The following GSTCD variants were observed in gnomAD, a reference collection of about 807,000 sequenced individuals.
GSTCD encodes glutathione S-transferase C-terminal domain containing, also known as glutathione S-transferase C-terminal domain-containing protein.
GSTCD carries 44 observed loss-of-function variants against 68.3 expected under a neutral mutation model. The ratio of observed to expected loss-of-function variants is 0.64; its 90% CI spans 0.51 to 0.83. GSTCD has a LOEUF of 0.83. Ranked by LOEUF, GSTCD falls within the 40% of genes least tolerant of loss-of-function variation. The pLI, the probability that GSTCD is intolerant of heterozygous loss-of-function variation, is 0.00. For synonymous variants in GSTCD, 273 were observed against 255.2 expected (o/e 1.07, Z -0.67); for missense variants, 739 against 735.9 (o/e 1.00, Z -0.05).
intron 5 of GSTCD, among the ~76,000 whole-genome samples, chr4:105,734,248 G>T (rs936790476): frequency 6.6e-6 from 1 of 152,222 alleles, no homozygotes; most frequent in Admixed American, 6.5e-5. Context: ...TGCTAGGTTG[G>T]GGAAGTTCTC....
intron 5 of GSTCD, among the ~76,000 whole-genome samples, chr4:105,755,494 A>G (rs1165544071): frequency 6.6e-6 from 1 of 152,182 alleles, no homozygotes; most frequent in Non-Finnish European, 1.5e-5. Context: ...CTCTAACTCA[A>G]CACATTACTT....
chr4:105,738,664 G>T (rs1733538011), intron 5 of GSTCD, among the ~76,000 whole-genome samples: 1 of 151,886 alleles, frequency 6.6e-6, no homozygotes, highest in South Asian at 2.1e-4. Context: ...TGATGCTACA[G>T]AATTTTGCAT....
chr4:105,844,898 A>G (rs1724489824), intron 11 of GSTCD, among the ~76,000 whole-genome samples: 1 of 152,200 alleles, frequency 6.6e-6, no homozygotes, highest in Non-Finnish European at 1.5e-5. Flanking sequence ...TTAAGAGTAT[A>G]CTACACTCAA....
intron 5 of GSTCD, among the ~76,000 whole-genome samples, chr4:105,747,051 A>G (rs1407971156): frequency 1.3e-5 from 2 of 152,230 alleles, no homozygotes; most frequent in African/African-American, 4.8e-5. Context: ...TGAAAGGGCT[A>G]AAGGCAGCCT....
At chr4:105,747,492 CA>C (rs1357803327) in intron 5 of GSTCD, among the ~76,000 whole-genome samples, 1 of 152,164 alleles carries the variant, frequency 6.6e-6, no homozygotes, top group Non-Finnish European at 1.5e-5. Flanking sequence ...CCTAGGGAAC[CA>C]ATATAATGCA....
intron 5 of GSTCD, among the ~76,000 whole-genome samples, chr4:105,822,227 A>C (rs910485755): frequency 1.6e-4 from 25 of 152,092 alleles, no homozygotes; most frequent in African/African-American, 6.0e-4. Context: ...AGATGTTTTT[A>C]TGTTGTGGGG....
chr4:105,729,305 C>G (rs1733148723), intron 4 of GSTCD, 101 bp from the exon 5 acceptor site: 1 of 528,520 alleles, frequency 1.9e-6, no homozygotes, highest in East Asian at 3.1e-5. Flanking sequence ...TACTATTTAT[C>G]CTCCTCCTTA....
chr4:105,786,480 A>C (rs1175018521), intron 5 of GSTCD, among the ~76,000 whole-genome samples: 7 of 149,838 alleles, frequency 4.7e-5, no homozygotes, highest in Non-Finnish European at 8.8e-5. Context: ...GCGCCACTGC[A>C]CTCTGCCCTG....
At chr4:105,808,699 T>C (rs1722628358) in intron 5 of GSTCD, among the ~76,000 whole-genome samples, 1 of 152,100 alleles carries the variant, frequency 6.6e-6, no homozygotes, top group Non-Finnish European at 1.5e-5. Context: ...GTGGTTTAGT[T>C]ACCCGCAGTC....
intron 8 of GSTCD, chr4:105,826,073 T>A (rs1264065316): frequency 1.2e-5 from 2 of 162,334 alleles, no homozygotes; most frequent in African/African-American, 4.8e-5. Context: ...TGAAAACTGG[T>A]TAATAATTGA....
intron 5 of GSTCD, among the ~76,000 whole-genome samples, chr4:105,730,898 C>A (rs1733213960): frequency 6.6e-6 from 1 of 152,164 alleles, no homozygotes; most frequent in Admixed American, 6.5e-5. Context: ...AGTCTTCAAT[C>A]CATCTTGAAT....
At chr4:105,845,307 T>TA (rs1412139286) in intron 11 of GSTCD, 134 bp from the exon 12 acceptor site, 1 of 818,558 alleles carries the variant, frequency 1.2e-6, no homozygotes, top group Non-Finnish European at 1.9e-6. Context: ...TGAAAGAAAC[T>TA]AAACAAGACT....
chr4:105,745,219 C>T (rs1733760806), intron 5 of GSTCD, among the ~76,000 whole-genome samples: 1 of 152,088 alleles, frequency 6.6e-6, no homozygotes, highest in African/African-American at 2.4e-5. Flanking sequence ...AAAAATATAC[C>T]TACTGAGTTG....
At chr4:105,748,561 C>T (rs948326433) in intron 5 of GSTCD, among the ~76,000 whole-genome samples, 4 of 151,832 alleles carry the variant, frequency 2.6e-5, no homozygotes, top group Admixed American at 1.3e-4. Context: ...AATTAAATGC[C>T]TCTAAACAAT....
intron 5 of GSTCD, among the ~76,000 whole-genome samples, chr4:105,786,619 A>C (rs1411979860): frequency 5.3e-5 from 8 of 151,842 alleles, no homozygotes; most frequent in Non-Finnish European, 2.9e-5. Flanking sequence ...TATCTGAAAA[A>C]TATAAAGCAA....
intron 9 of GSTCD, among the ~76,000 whole-genome samples, chr4:105,835,554 G>T (rs1724079303): frequency 6.6e-6 from 1 of 152,122 alleles, no homozygotes; most frequent in Admixed American, 6.5e-5. Context: ...AGGAGCCACA[G>T]AACCCCTCAG....
At chr4:105,740,900 C>T (rs1055972293) in intron 5 of GSTCD, among the ~76,000 whole-genome samples, 1 of 151,362 alleles carries the variant, frequency 6.6e-6, no homozygotes, top group African/African-American at 2.4e-5. Context: ...AGCAATCCCC[C>T]CAACTTTTTA....
At chr4:105,729,037 A>G (rs903924728) in intron 4 of GSTCD, among the ~76,000 whole-genome samples, 18 of 152,116 alleles carry the variant, frequency 1.2e-4, no homozygotes, top group Non-Finnish European at 2.9e-5. Context: ...GGACATATGC[A>G]GAGTTCTTTT....
At chr4:105,810,148 A>G (rs1035147657) in intron 5 of GSTCD, among the ~76,000 whole-genome samples, 9 of 152,138 alleles carry the variant, frequency 5.9e-5, no homozygotes, top group Non-Finnish European at 1.5e-5. Context: ...AGAAAGTTCT[A>G]ACTTCTCTGT....
Sources: gnomAD v4.1 joint callset for allele counts (sites outside exome capture counted in the v4.1 genomes callset) on GRCh38, gnomAD v4.1.1 for gene constraint, MANE v1.5 for transcripts, NCBI Gene and HGNC (gene_info 2026-07-23, HGNC 2026-07-21) for gene names.